NR3C1: variants seen among roughly 807,000 people sequenced by gnomAD.
NR3C1 encodes the protein glucocorticoid receptor.
A neutral mutation model predicts 74.0 loss-of-function variants in NR3C1; 14 were observed. The ratio of observed to expected loss-of-function variants is 0.19; its 90% CI spans 0.12 to 0.30. NR3C1 has a LOEUF of 0.30. Ranked by LOEUF, NR3C1 falls within the 10% of genes least tolerant of loss-of-function variation. The probability of loss-of-function intolerance (pLI) is 1.00; values close to 1 mark genes in which losing one functional copy is unlikely to be tolerated. For missense variants in NR3C1, 695 were observed against 909.8 expected (o/e 0.76, Z 3.04); for synonymous variants, 308 against 332.5 (o/e 0.93, Z 0.80).
intron 2 of NR3C1, among the ~76,000 whole-genome samples, chr5:143,395,690 T>C: frequency 6.6e-6 from 1 of 151,914 alleles, no homozygotes; most frequent in East Asian, 1.9e-4. Flanking sequence ...GAATGTGCTT[T>C]AAGAACTAAG....
chr5:143,282,064 G>A, intron 8 of NR3C1, 23 bp from the exon 9 acceptor site: 1 of 1,613,062 alleles, frequency 6.2e-7, no homozygotes, highest in Non-Finnish European at 8.5e-7. Flanking sequence ...ATATGGTAAT[G>A]ATCAGGCTTC....
At chr5:143,286,247 C>G (rs10482700) in intron 7 of NR3C1, among the ~76,000 whole-genome samples, 19,691 of 152,136 alleles carry the variant, frequency 0.13, 1,478 homozygotes, top group Middle Eastern at 0.3. Flanking sequence ...CAAACCAAGA[C>G]AGCTTCACTG....
chr5:143,418,233 T>C (rs1175025372), intron 1 of NR3C1, among the ~76,000 whole-genome samples: 1 of 152,196 alleles, frequency 6.6e-6, no homozygotes, highest in Non-Finnish European at 1.5e-5. Context: ...TAAAGCCATT[T>C]ATTTACTTAT....
intron 4 of NR3C1, among the ~76,000 whole-genome samples, chr5:143,307,215 A>G (rs1468355371): frequency 6.6e-6 from 1 of 152,142 alleles, no homozygotes; most frequent in Non-Finnish European, 1.5e-5. Context: ...AATTTTATTC[A>G]TGTAAGAAAA....
At chr5:143,339,007 T>C (rs1348034681) in intron 2 of NR3C1, among the ~76,000 whole-genome samples, 5 of 152,210 alleles carry the variant, frequency 3.3e-5, no homozygotes, top group African/African-American at 9.6e-5. Context: ...GTGCCTGCAG[T>C]GTTCAGTACA....
intron 4 of NR3C1, among the ~76,000 whole-genome samples, chr5:143,305,315 C>A (rs2151578892): frequency 6.6e-6 from 1 of 152,166 alleles, no homozygotes; most frequent in African/African-American, 2.4e-5. Flanking sequence ...CACAATGACA[C>A]CACTGTGGAA....
At chr5:143,435,071 C>G in exon 1 of NR3C1, 1 of 985,340 alleles carries the variant, frequency 1.0e-6, no homozygotes, top group Non-Finnish European at 1.2e-6. Flanking sequence ...CTAATGGAAA[C>G]CAACATGTGA....
chr5:143,402,867 G>A (rs1455925812), intron 1 of NR3C1: 15 of 975,238 alleles, frequency 1.5e-5, no homozygotes, highest in Admixed American at 6.2e-5. Context: ...CCCCCTTGGA[G>A]GGAAAGGGGA....
intron 2 of NR3C1, chr5:143,389,993 A>T (rs2151912277): frequency 1.1e-6 from 1 of 870,250 alleles, no homozygotes; most frequent in Middle Eastern, 6.0e-4. Context: ...GTACAATTCT[A>T]AAAAATCTAA....
intron 2 of NR3C1, among the ~76,000 whole-genome samples, chr5:143,342,367 G>A (rs544923011): frequency 7.9e-5 from 12 of 152,316 alleles, no homozygotes; most frequent in African/African-American, 2.6e-4. Flanking sequence ...TAAGGAAACT[G>A]AGGCTTAGAA....
At chr5:143,321,840 A>C (rs1823453550) in intron 2 of NR3C1, among the ~76,000 whole-genome samples, 1 of 152,226 alleles carries the variant, frequency 6.6e-6, no homozygotes, top group South Asian at 2.1e-4. Flanking sequence ...ACACTGCCAT[A>C]TAGCACTTTG....
At chr5:143,364,921 G>A (rs1342882901) in intron 2 of NR3C1, among the ~76,000 whole-genome samples, 1 of 151,970 alleles carries the variant, frequency 6.6e-6, no homozygotes, top group Non-Finnish European at 1.5e-5. Context: ...TGCCCAGGCT[G>A]GTCTTGAACT....
chr5:143,370,408 T>C (rs1266419162), intron 2 of NR3C1, among the ~76,000 whole-genome samples: 2 of 152,246 alleles, frequency 1.3e-5, no homozygotes, highest in Non-Finnish European at 2.9e-5. Flanking sequence ...ATCGTCAGCA[T>C]TCTTCTCAAA....
chr5:143,406,396 T>C (rs1429433090), upstream of NR3C1, among the ~76,000 whole-genome samples: 2 of 149,588 alleles, frequency 1.3e-5, no homozygotes, highest in East Asian at 3.9e-4. Flanking sequence ...ATTGAAAACG[T>C]TTTTAATTGA....
In NR3C1 at chr5:143,281,493, C is replaced by G; in HGVS notation, c.*396G>C. 4.2e-6 allele frequency: 1 copy of G among 235,454 alleles called. No individual in the cohort carries two copies. Among genetic ancestry groups the G allele is most frequent in the Non-Finnish European group, 8.4e-6 (1 of 118,352 alleles). 14.6% of individuals were successfully genotyped at this position (235,454 alleles called of 1,614,324 possible). On this transcript the variant is annotated 3_prime_UTR_variant, in exon 9 of 9. Transcript: ENST00000394464. ...CCTAACTATACAGGGGGGGGATACA[C>G]CAACAGAAAGTCTAGAAAATTTCAT... is the stretch of plus-strand genomic sequence containing the variant.
chr5:143,383,851 GA>G (rs1336971146), intron 2 of NR3C1, among the ~76,000 whole-genome samples: 2 of 152,046 alleles, frequency 1.3e-5, no homozygotes, highest in African/African-American at 4.8e-5. Flanking sequence ...CATAATCCTC[GA>G]AAAAAGTAAT....
chr5:143,406,804 T>C (rs1841129208), upstream of NR3C1, among the ~76,000 whole-genome samples: 1 of 152,246 alleles, frequency 6.6e-6, no homozygotes, highest in Non-Finnish European at 1.5e-5. Flanking sequence ...TGAAGTAGTA[T>C]ATCAATTCTG....
chr5:143,386,505 G>A (rs1002064684), intron 2 of NR3C1, among the ~76,000 whole-genome samples: 7 of 152,094 alleles, frequency 4.6e-5, no homozygotes, highest in Non-Finnish European at 2.9e-5. Context: ...AGACAAAGGG[G>A]TATAAGATAA....
chr5:143,348,573 T>C (rs749075675), intron 2 of NR3C1, among the ~76,000 whole-genome samples: 2 of 152,218 alleles, frequency 1.3e-5, no homozygotes, highest in African/African-American at 2.4e-5. Context: ...ATGGTAAATT[T>C]AGTGGCACAT....
Sources: allele counts gnomAD v4.1 joint callset (sites outside exome capture counted in the v4.1 genomes callset), GRCh38; gene constraint gnomAD v4.1.1; transcripts MANE v1.5; gene names NCBI Gene and HGNC (gene_info 2026-07-23, HGNC 2026-07-21).